Variants in LRBA observed in about 807,000 individuals in gnomAD.
LRBA encodes lipopolysaccharide-responsive and beige-like anchor protein.
Under a neutral mutation model 330.0 loss-of-function variants are expected in LRBA, and 176 were observed. That is an observed-to-expected ratio of 0.53 (90% CI 0.47 to 0.60). LRBA has a LOEUF of 0.60. LRBA is among the 20% of genes least tolerant of loss of function. LRBA has a pLI of 0.00. For missense variants in LRBA, 3,259 were observed against 3,444.8 expected, an observed-to-expected ratio of 0.95 and a Z score of 1.35; for synonymous variants, 1,230 against 1,193.0, an observed-to-expected ratio of 1.03 and a Z score of -0.64.
intron 2 of LRBA, among the ~76,000 whole-genome samples, chr4:150,983,103 G>A (rs1278700233): frequency 6.6e-6 from 1 of 151,916 alleles, no homozygotes. Flanking sequence ...AAAAGAAAAA[G>A]AAAAAACAAC....
intron 37 of LRBA, among the ~76,000 whole-genome samples, chr4:150,663,051 CA>C (rs1268784520): frequency 6.6e-6 from 1 of 152,042 alleles, no homozygotes; most frequent in Non-Finnish European, 1.5e-5. Context: ...ACAAACTTTA[CA>C]AACTAGCAAT....
intron 40 of LRBA, among the ~76,000 whole-genome samples, chr4:150,548,616 G>A (rs1448844553): frequency 6.6e-6 from 1 of 152,010 alleles, no homozygotes; most frequent in Non-Finnish European, 1.5e-5. Flanking sequence ...ACCTAATGGT[G>A]CTGTTAAAAA....
chr4:150,457,231 A>C (rs1376067483), intron 44 of LRBA, among the ~76,000 whole-genome samples: 1 of 152,128 alleles, frequency 6.6e-6, no homozygotes, highest in Admixed American at 6.6e-5. Flanking sequence ...CCTTTTCTGA[A>C]AGTAAGACAA....
chr4:150,691,661 A>G (rs1784150468), intron 36 of LRBA, among the ~76,000 whole-genome samples: 1 of 152,210 alleles, frequency 6.6e-6, no homozygotes, highest in South Asian at 2.1e-4. Context: ...AAGCTTAAAC[A>G]TATACTTACA....
intron 46 of LRBA, among the ~76,000 whole-genome samples, chr4:150,426,893 C>A (rs941919984): frequency 3.3e-5 from 5 of 151,750 alleles, no homozygotes; most frequent in Admixed American, 6.6e-5. Flanking sequence ...ATTTATGGTT[C>A]TTTCTTGCTT....
intron 36 of LRBA, among the ~76,000 whole-genome samples, chr4:150,701,038 C>T (rs1005074409): frequency 5.3e-5 from 8 of 152,118 alleles, no homozygotes; most frequent in Non-Finnish European, 1.0e-4. Flanking sequence ...TTACACTGTG[C>T]CTGATCTATA....
At chr4:150,709,668 G>A (rs559321415) in intron 36 of LRBA, among the ~76,000 whole-genome samples, 14 of 152,068 alleles carry the variant, frequency 9.2e-5, no homozygotes, top group Admixed American at 9.2e-4. Flanking sequence ...GATATGTTAT[G>A]AATAGACATA....
rs189948900 is a variant in LRBA at position 150,486,330 on chromosome 4, G to T, written c.6551+1402C>A. Among the ~76,000 whole-genome samples, 439 of 151,708 alleles carry T rather than the reference G, an allele frequency of 2.9e-3. 2 individuals are homozygous for T. The highest frequency in any genetic ancestry group is 0.01 in the African/African-American group (421 of 41,448). On this transcript the variant is annotated intron_variant, in intron 42 of 56. Transcript: ENST00000651943. ...GAGTATTGCTTTTTTATGCAATTTG[G>T]TTTTTTCTTCCTTTAAATTATATAG...
At chr4:150,418,002 A>T (rs566626080) in intron 46 of LRBA, among the ~76,000 whole-genome samples, 1 of 150,196 alleles carries the variant, frequency 6.7e-6, no homozygotes, top group African/African-American at 2.4e-5. Context: ...ATTCTCCACA[A>T]GTTTTTTTGG....
chr4:150,489,688 ATATAT>A (rs2152101576), intron 41 of LRBA, among the ~76,000 whole-genome samples: 1 of 127,058 alleles, frequency 7.9e-6, no homozygotes, highest in South Asian at 2.3e-4. Context: ...ATATATAAGA[ATATAT>A]TATATATTAT....
intron 3 of LRBA, 49 bp from the exon 4 acceptor site, chr4:150,928,665 G>A (rs755330561): frequency 2.3e-5 from 34 of 1,467,610 alleles, no homozygotes; most frequent in East Asian, 1.6e-4. Context: ...TATATTTCTC[G>A]AATATTTAAA....
In LRBA at chr4:150,900,129, A is replaced by G. The variant is rs751035979; in HGVS notation, c.1844T>C (p.Leu615Pro). The G allele has an allele frequency of 6.2e-7, 1 of 1,613,050 alleles. No homozygotes were observed. The highest frequency in any genetic ancestry group is 2.2e-5 in the East Asian group (1 of 44,858). The stretch of plus-strand genomic sequence containing the variant: ...GTACTTCAGCGTGTGCATGATGAGA[A>G]GCACTGTTCCAACTCTCCGAATGGT... ...YNTIRRVGTV[L>P]LIMHTLKYYY... Residue 615 changes from leucine to proline, a missense_variant, in exon 14 of 57, where the codon CTT becomes CCT. Leu to Pro is a moderately conservative substitution (Grantham distance 98). Coordinates refer to ENST00000651943, the MANE Select transcript of LRBA (RefSeq NM_001364905.1).
chr4:150,482,771 A>G (rs1018651045), intron 42 of LRBA, among the ~76,000 whole-genome samples: 1 of 152,094 alleles, frequency 6.6e-6, no homozygotes, highest in Admixed American at 6.6e-5. Flanking sequence ...CATTTCTCAG[A>G]TGACTAATGA....
At chr4:150,699,651 T>C (rs975847557) in intron 36 of LRBA, among the ~76,000 whole-genome samples, 2 of 152,216 alleles carry the variant, frequency 1.3e-5, no homozygotes, top group Admixed American at 1.3e-4. Flanking sequence ...ACATTAGGTT[T>C]ATCAAATCCC....
At chr4:150,563,651 A>G (rs1258556617) in intron 40 of LRBA, among the ~76,000 whole-genome samples, 2 of 152,212 alleles carry the variant, frequency 1.3e-5, no homozygotes, top group Admixed American at 1.3e-4. Flanking sequence ...TATCAGCCCA[A>G]AAACTCCTTA....
At chr4:150,334,767 A>AT (rs1401909486) in intron 48 of LRBA, among the ~76,000 whole-genome samples, 2 of 139,154 alleles carry the variant, frequency 1.4e-5, no homozygotes, top group African/African-American at 5.5e-5. Context: ...CTAAAAGACA[A>AT]TTTAAAAAAA....
At chr4:150,737,188 A>G (rs1216579163) in intron 35 of LRBA, among the ~76,000 whole-genome samples, 3 of 152,216 alleles carry the variant, frequency 2.0e-5, no homozygotes, top group South Asian at 2.1e-4. Flanking sequence ...ATGGCACTTC[A>G]GCCTGAGCAA....
intron 56 of LRBA, among the ~76,000 whole-genome samples, chr4:150,272,355 C>T (rs1746220613): frequency 6.6e-6 from 1 of 151,924 alleles, no homozygotes. Flanking sequence ...TAGATAAATC[C>T]ACAAAAATGG....
chr4:150,515,235 C>T (rs1355838575), intron 40 of LRBA, among the ~76,000 whole-genome samples: 1 of 152,006 alleles, frequency 6.6e-6, no homozygotes, highest in African/African-American at 2.4e-5. Flanking sequence ...TCTTGGATTG[C>T]AAGAGTGGTT....
Sources: allele counts gnomAD v4.1 joint callset (sites outside exome capture counted in the v4.1 genomes callset), GRCh38; gene constraint gnomAD v4.1.1; transcripts MANE v1.5; gene names NCBI Gene and HGNC (gene_info 2026-07-23, HGNC 2026-07-21).